ZNF638: variants seen among roughly 807,000 people sequenced by gnomAD.
The protein encoded by ZNF638 is CTCL tumor antigen se33-1.
Under a neutral mutation model 195.6 loss-of-function variants are expected in ZNF638, and 46 were observed. That is an observed-to-expected ratio of 0.24 (90% CI 0.19 to 0.30). The LOEUF (loss-of-function observed/expected upper bound fraction) is 0.30. ZNF638 is among the 10% of genes least tolerant of loss of function. ZNF638 has a pLI of 1.00. For synonymous variants in ZNF638, 845 were observed against 772.0 expected (o/e 1.09, Z -1.57); for missense variants, 2,440 against 2,325.3 (o/e 1.05, Z -1.01).
At chr2:71,345,024 C>G (rs2078827184) in intron 1 of ZNF638, among the ~76,000 whole-genome samples, 1 of 152,114 alleles carries the variant, frequency 6.6e-6, no homozygotes, top group Non-Finnish European at 1.5e-5. Context: ...CAGTTAGTTA[C>G]CTGTAGTCAA....
intron 3 of ZNF638, among the ~76,000 whole-genome samples, chr2:71,362,258 T>C (rs1053094402): frequency 3.3e-5 from 5 of 152,180 alleles, no homozygotes; most frequent in African/African-American, 1.2e-4. Context: ...TCCTCGGCTC[T>C]CTTTTTTCCT....
Position 71,423,976 on chromosome 2 carries a change from A to C in ZNF638, c.4462A>C (p.Lys1488Gln), listed in dbSNP as rs1251088410. The change falls in exon 22 of 28, where the codon AAA (lysine) becomes CAA (glutamine). Residue 1488 changes from lysine (K) to glutamine (Q), a missense_variant. Coordinates refer to ENST00000264447, the MANE Select transcript of ZNF638 (RefSeq NM_014497.5). ...LSKLDYRDIT[K>Q]QSQETEARPS... ...TAAACTGGATTACAGAGATATAACA[A>C]AACAATCTCAGGAAACAGAGGCTAG... 4 of 1,613,984 alleles carry C rather than the reference A, an allele frequency of 2.5e-6. No homozygotes were observed. The highest frequency in any genetic ancestry group is 1.3e-5 in the African/African-American group (1 of 74,916).
chr2:71,358,921 G>A (rs1427666333), intron 3 of ZNF638, among the ~76,000 whole-genome samples: 2 of 152,134 alleles, frequency 1.3e-5, no homozygotes, highest in African/African-American at 2.4e-5. Flanking sequence ...ATTTTGACTT[G>A]CTGAGGGCTC....
intron 25 of ZNF638, chr2:71,429,058 T>C (rs1037093266): frequency 1.5e-4 from 23 of 157,466 alleles, no homozygotes; most frequent in African/African-American, 2.4e-4. Flanking sequence ...GAGAATACTT[T>C]AGTCACTCAG....
chr2:71,362,227 G>T (rs1260653467), intron 3 of ZNF638, among the ~76,000 whole-genome samples: 1 of 151,804 alleles, frequency 6.6e-6, no homozygotes, highest in Non-Finnish European at 1.5e-5. Context: ...CTCTAAAGTT[G>T]TCGATGTGCC....
At chr2:71,351,125 C>T (rs182363012) in intron 2 of ZNF638, among the ~76,000 whole-genome samples, 3 of 152,236 alleles carry the variant, frequency 2.0e-5, no homozygotes, top group Non-Finnish European at 2.9e-5. Context: ...TGTAAAGGGT[C>T]AGAAGAGAAT....
At chr2:71,339,679 T>C (rs954416383) in intron 1 of ZNF638, among the ~76,000 whole-genome samples, 4 of 152,230 alleles carry the variant, frequency 2.6e-5, no homozygotes, top group Non-Finnish European at 5.9e-5. Context: ...GTTGTTGTTT[T>C]ATGGTGCAGT....
chr2:71,384,513 T>G (rs1467740664), intron 10 of ZNF638, among the ~76,000 whole-genome samples: 1 of 152,196 alleles, frequency 6.6e-6, no homozygotes, highest in African/African-American at 2.4e-5. Flanking sequence ...ATTTATGCTG[T>G]CTATTTGCAT....
chr2:71,400,670 A>G, intron 15 of ZNF638, 152 bp downstream of exon 15: 1 of 666,060 alleles, frequency 1.5e-6, no homozygotes, highest in South Asian at 3.0e-5. Context: ...TTAGAAAGGA[A>G]AAGAGAAAAA....
intron 6 of ZNF638, among the ~76,000 whole-genome samples, chr2:71,368,023 G>A (rs560451615): frequency 7.2e-4 from 109 of 152,270 alleles, no homozygotes; most frequent in African/African-American, 2.6e-3. Flanking sequence ...AGCTTTACTT[G>A]TTGGTGGGCC....
intron 8 of ZNF638, among the ~76,000 whole-genome samples, chr2:71,376,688 T>G (rs142020367): frequency 3.4e-5 from 5 of 144,956 alleles, no homozygotes; most frequent in African/African-American, 1.3e-4. Context: ...ATTTTGCTGC[T>G]TCTATGAATC....
At chr2:71,383,926 G>C (rs34755977) in intron 10 of ZNF638, among the ~76,000 whole-genome samples, 24,087 of 151,418 alleles carry the variant, frequency 0.16, 2,411 homozygotes, top group East Asian at 0.57. Context: ...TTTCTTTCCT[G>C]TCAGTCTTTA....
Position 71,427,317 on chromosome 2 carries a change from A to G in ZNF638, c.5448A>G (p.Thr1816=). 1 of 1,610,964 alleles carries G rather than the reference A, an allele frequency of 6.2e-7. No individual in the cohort carries two copies. Among genetic ancestry groups the G allele is most frequent in the Non-Finnish European group, 8.5e-7 (1 of 1,179,356 alleles). The change falls in exon 24 of 28, where the codon ACA becomes ACG. Residue 1816 remains threonine, a synonymous_variant. Coordinates refer to ENST00000264447, the MANE Select transcript of ZNF638 (RefSeq NM_014497.5). The part of the protein sequence containing the change: ...KGNRKKRAVD[T]KKTKLESLSQ... ...ATAGAAAGAAGAGAGCTGTGGACAC[A>G]AAAAAGACAAAACTTGAATCCTTGT...
chr2:71,398,630 CTG>C (rs2079943674), intron 11 of ZNF638, 69 bp from the exon 12 acceptor site: 1 of 1,189,662 alleles, frequency 8.4e-7, no homozygotes, highest in South Asian at 1.2e-5. Flanking sequence ...ATCTTTTTCT[CTG>C]TGAGGTTCTT....
Position 71,402,014 on chromosome 2 carries a change from TAGA to T in ZNF638, c.2762_2764del (p.Glu921del). The T allele has an allele frequency of 1.2e-6, 2 of 1,608,196 alleles. No individual in the cohort carries two copies. The highest frequency in any genetic ancestry group is 2.2e-5 in the East Asian group (1 of 44,658). ...AATTTGCCTAATAAAGGATATTCTG[TAGA>T]AGAAGTTTATGACTTAGCAAAACCA... On this transcript the variant is annotated inframe_deletion, in exon 16 of 28. Coordinates refer to ENST00000264447, the MANE Select transcript of ZNF638 (RefSeq NM_014497.5).
chr2:71,434,615 AGGC>A, intron 27 of ZNF638, 124 bp from the exon 28 acceptor site: 1 of 737,738 alleles, frequency 1.4e-6, no homozygotes. Context: ...TGGTTATATA[AGGC>A]ACTGTGTTTA....
intron 1 of ZNF638, 97 bp downstream of exon 1, chr2:71,331,972 G>C (rs2078577184): frequency 5.1e-6 from 5 of 975,278 alleles, no homozygotes; most frequent in South Asian, 4.7e-5. Context: ...GCCGACTATT[G>C]TATCTGTGTC....
intron 8 of ZNF638, 129 bp from the exon 9 acceptor site, chr2:71,380,093 T>C (rs1053561946): frequency 2.1e-6 from 1 of 468,400 alleles, no homozygotes; most frequent in Non-Finnish European, 3.7e-6. Flanking sequence ...TTGAAAAAAA[T>C]GTCTTTATAA....
intron 1 of ZNF638, chr2:71,332,944 AT>A (rs1453696992): frequency 6.6e-6 from 1 of 152,168 alleles, no homozygotes; most frequent in Non-Finnish European, 1.5e-5. Context: ...GAGCTCTGGA[AT>A]TTTGCACAAA....
Sources: gnomAD v4.1 joint callset for allele counts (sites outside exome capture counted in the v4.1 genomes callset) on GRCh38, gnomAD v4.1.1 for gene constraint, MANE v1.5 for transcripts, NCBI Gene and HGNC (gene_info 2026-07-23, HGNC 2026-07-21) for gene names.